Variants in SNX4 observed in about 807,000 individuals in gnomAD.
The protein encoded by SNX4 is sorting nexin-4.
In SNX4, 49 loss-of-function variants were observed where a neutral mutation model predicts 70.8. The ratio of observed to expected loss-of-function variants is 0.69; its 90% confidence interval spans 0.55 to 0.88. The LOEUF is 0.88. SNX4 is among the 40% of genes least tolerant of loss of function. The pLI, the probability that SNX4 is intolerant of heterozygous loss-of-function variation, is 0.00. For missense variants in SNX4, 528 were observed against 544.8 expected (o/e 0.97, Z 0.31); for synonymous variants, 206 against 183.8 (o/e 1.12, Z -0.98).
intron 8 of SNX4, among the ~76,000 whole-genome samples, chr3:125,471,720 T>C (rs947454017): frequency 2.6e-5 from 4 of 152,208 alleles, no homozygotes; most frequent in Admixed American, 6.5e-5. Context: ...CTTAAAACTC[T>C]TTCCTCCTCT....
intron 10 of SNX4, among the ~76,000 whole-genome samples, chr3:125,459,897 T>C (rs1933831545): frequency 6.6e-6 from 1 of 151,956 alleles, no homozygotes; most frequent in Admixed American, 6.6e-5. Context: ...ATTCTTATAC[T>C]GCTTTTAAAA....
At chr3:125,465,789 T>C (rs1254378751) in intron 9 of SNX4, among the ~76,000 whole-genome samples, 3 of 151,958 alleles carry the variant, frequency 2.0e-5, no homozygotes, top group Admixed American at 2.0e-4. Flanking sequence ...ACTATAGGCA[T>C]GCGCCACCAC....
intron 5 of SNX4, among the ~76,000 whole-genome samples, chr3:125,493,653 CAA>C (rs145292055): frequency 8.8e-4 from 103 of 117,182 alleles, no homozygotes; most frequent in Middle Eastern, 4.8e-3. Context: ...GACTCCGTGT[CAA>C]AAAAAAAAAA....
rs754869974 is a variant in SNX4 at position 125,504,646 on chromosome 3, A to G, written c.240T>C (p.Tyr80=). The G allele has an allele frequency of 2.5e-6, 4 of 1,613,906 alleles. No homozygotes were observed. Among genetic ancestry groups the G allele is most frequent in the African/African-American group, 2.7e-5 (2 of 74,920 alleles). Residue 80 remains tyrosine, a synonymous_variant, in exon 2 of 14, where the codon TAT becomes TAC. Transcript: ENST00000251775. ...GRNAMNMQET[Y]TAYLIETRSV... The stretch of plus-strand genomic sequence containing the variant: ...ACCTTGTTTCAATGAGGTAAGCAGT[A>G]TATGTTTCTTGCATGTTCATGGCAT...
chr3:125,505,392 C>CT (rs1325524684), intron 1 of SNX4, among the ~76,000 whole-genome samples: 3 of 152,202 alleles, frequency 2.0e-5, no homozygotes, highest in Non-Finnish European at 4.4e-5. Context: ...GACAACTGCA[C>CT]TGGCAGACTC....
At chr3:125,499,020 A>T (rs768774868) in intron 2 of SNX4, among the ~76,000 whole-genome samples, 2 of 152,188 alleles carry the variant, frequency 1.3e-5, no homozygotes, top group Non-Finnish European at 2.9e-5. Flanking sequence ...AGAACAAAAT[A>T]TTAGTTAGCT....
At chr3:125,505,241 A>G (rs977693059) in intron 1 of SNX4, among the ~76,000 whole-genome samples, 4 of 152,188 alleles carry the variant, frequency 2.6e-5, no homozygotes, top group African/African-American at 9.7e-5. Context: ...AAGTGCTGGG[A>G]TTATAGGCAT....
chr3:125,495,269 T>C (rs1435435236), intron 5 of SNX4, among the ~76,000 whole-genome samples: 4,329 of 75,648 alleles, frequency 0.057, 524 homozygotes, highest in African/African-American at 0.16. Context: ...TATATATATA[T>C]ATATATATAC....
chr3:125,469,545 AG>A (rs1934115574), intron 8 of SNX4, 26 bp from the exon 9 acceptor site: 1 of 1,474,086 alleles, frequency 6.8e-7, no homozygotes, highest in Admixed American at 1.7e-5. Flanking sequence ...TAAAACCAAA[AG>A]CAACATGCAT....
intron 1 of SNX4, among the ~76,000 whole-genome samples, chr3:125,517,812 C>T (rs1935314910): frequency 1.3e-5 from 2 of 151,902 alleles, no homozygotes; most frequent in African/African-American, 4.8e-5. Flanking sequence ...CCCAACTCTA[C>T]TAAAAACACA....
At chr3:125,452,829 G>C (rs1032299091) in intron 12 of SNX4, among the ~76,000 whole-genome samples, 1 of 152,006 alleles carries the variant, frequency 6.6e-6, no homozygotes, top group Non-Finnish European at 1.5e-5. Context: ...ATGTTAGCCA[G>C]GATGGTCTCA....
Position 125,480,514 on chromosome 3 carries a change from G to T in SNX4, c.654-195C>A, listed in dbSNP as rs550880462. Among the ~76,000 whole-genome samples, 37 of 152,204 alleles carry T rather than the reference G, an allele frequency of 2.4e-4. 1 individual carries two copies. The South Asian group carries it at 7.2e-3, about 30-fold the overall frequency. On this transcript the variant is annotated intron_variant, in intron 6 of 13. Coordinates refer to ENST00000251775, the MANE Select transcript of SNX4 (RefSeq NM_003794.4). ...GATATTTTCTGTTGATATTTTGAAA[G>T]TCAAGATATCACACTTCATAATTTA...
intron 13 of SNX4, among the ~76,000 whole-genome samples, chr3:125,450,032 C>T (rs1933534994): frequency 6.6e-6 from 1 of 151,992 alleles, no homozygotes; most frequent in Non-Finnish European, 1.5e-5. Context: ...ACTGCTTGAG[C>T]CCAGGAGTTT....
intron 5 of SNX4, among the ~76,000 whole-genome samples, chr3:125,494,170 TATAAG>T (rs1934729708): frequency 6.6e-6 from 1 of 152,138 alleles, no homozygotes; most frequent in Non-Finnish European, 1.5e-5. Flanking sequence ...CAAATATTCT[TATAAG>T]ATATGACTAT....
At chr3:125,470,008 TTAA>T (rs1934125177) in intron 8 of SNX4, among the ~76,000 whole-genome samples, 1 of 152,172 alleles carries the variant, frequency 6.6e-6, no homozygotes, top group Non-Finnish European at 1.5e-5. Context: ...GAGTAAAGTT[TTAA>T]TAATAATAAT....
In SNX4 at chr3:125,494,935, C is replaced by T. The variant is rs1934750806; in HGVS notation, c.597+2406G>A. Among the ~76,000 whole-genome samples the T allele has an allele frequency of 2.6e-5, 4 of 152,134 alleles. No individual in the cohort carries two copies. In the South Asian group the frequency reaches 6.2e-4, roughly 24 times the overall value. On this transcript the variant is annotated intron_variant, in intron 5 of 13. Transcript: ENST00000251775. Reference sequence around the variant, plus strand: ...CATACCACTGCTACCTCCTTTTCCGCTATCAGGCTCAGCTGTCAATTGTCA... The same window carrying T: ...CATACCACTGCTACCTCCTTTTCCGTTATCAGGCTCAGCTGTCAATTGTCA...
chr3:125,468,098 T>C (rs1934077836), intron 9 of SNX4, among the ~76,000 whole-genome samples: 1 of 152,160 alleles, frequency 6.6e-6, no homozygotes, highest in East Asian at 1.9e-4. Flanking sequence ...TGCAGCAACA[T>C]GGATGCAGCT....
chr3:125,449,041 G>A (rs931413987), intron 13 of SNX4: 1 of 152,060 alleles, frequency 6.6e-6, no homozygotes, highest in African/African-American at 2.4e-5. Context: ...ACTCATTTAT[G>A]AGAAAGGAAC....
chr3:125,470,283 C>T (rs564251429), intron 8 of SNX4, among the ~76,000 whole-genome samples: 2 of 152,086 alleles, frequency 1.3e-5, no homozygotes, highest in South Asian at 4.1e-4. Flanking sequence ...TTTTCCCATA[C>T]TATTAAAATA....
Sources: allele counts gnomAD v4.1 joint callset (sites outside exome capture counted in the v4.1 genomes callset), GRCh38; gene constraint gnomAD v4.1.1; transcripts MANE v1.5; gene names NCBI Gene and HGNC (gene_info 2026-07-23, HGNC 2026-07-21).